The following SEC22C variants were observed in gnomAD, a reference collection of about 807,000 sequenced individuals.
SEC22C encodes the protein SEC22 homolog C, vesicle trafficking protein.
A neutral mutation model predicts 34.7 loss-of-function variants in SEC22C; 29 were observed. That is an observed-to-expected ratio of 0.84 (90% confidence interval 0.62 to 1.14). The LOEUF (loss-of-function observed/expected upper bound fraction) is 1.14, where lower values mean the gene tolerates loss of function less well. Among genes scored for constraint, SEC22C ranks in the 50% most tolerant of loss-of-function variants. The pLI is 0.00. For synonymous variants in SEC22C, 117 were observed against 132.8 expected, an observed-to-expected ratio of 0.88 and a Z score of 0.82; for missense variants, 337 against 369.0, an observed-to-expected ratio of 0.91 and a Z score of 0.71.
chr3:42,574,466 G>C (rs1340485102), intron 1 of SEC22C, among the ~76,000 whole-genome samples: 1 of 151,686 alleles, frequency 6.6e-6, no homozygotes, highest in Non-Finnish European at 1.5e-5. Context: ...GAAAGGAAAT[G>C]ATAAAAGAAG....
chr3:42,579,312 G>T (rs1292809507), intron 1 of SEC22C, among the ~76,000 whole-genome samples: 1 of 149,564 alleles, frequency 6.7e-6, no homozygotes, highest in Non-Finnish European at 1.5e-5. Context: ...CAAAAAACTA[G>T]GAAAGCAGGC....
chr3:42,551,748 C>A lies in SEC22C; in HGVS notation c.*1500G>T. The A allele has an allele frequency of 1.0e-6, 1 of 968,848 alleles. No homozygotes were observed. The highest frequency in any genetic ancestry group is 1.8e-5 in the African/African-American group (1 of 57,048). 60.0% of individuals were successfully genotyped at this position (968,848 alleles called of 1,614,324 possible). On this transcript the variant is annotated 3_prime_UTR_variant, in exon 7 of 7. Transcript: ENST00000264454. ...GTTCCCAGTATATAAACTTATTTTT[C>A]TTAAAATGATAACAAGGTAGCTCAA... is the stretch of plus-strand genomic sequence containing the variant.
At chr3:42,577,925 G>A (rs895429495) in intron 1 of SEC22C, among the ~76,000 whole-genome samples, 3 of 151,656 alleles carry the variant, frequency 2.0e-5, no homozygotes, top group African/African-American at 7.3e-5. Flanking sequence ...CGCCAAGACT[G>A]CACCATTGCA....
chr3:42,598,915 A>G (rs1011207201), intron 1 of SEC22C, among the ~76,000 whole-genome samples: 2 of 150,854 alleles, frequency 1.3e-5, no homozygotes, highest in African/African-American at 2.5e-5. Context: ...ATGTGTATAT[A>G]TATCTATAGA....
chr3:42,593,536 G>C (rs1379424180), intron 1 of SEC22C, among the ~76,000 whole-genome samples: 1 of 152,106 alleles, frequency 6.6e-6, no homozygotes, highest in East Asian at 1.9e-4. Flanking sequence ...ATATCTAAGG[G>C]GAGGAGGGAG....
At chr3:42,562,656 A>T (rs1200756575) in intron 3 of SEC22C, among the ~76,000 whole-genome samples, 1 of 152,236 alleles carries the variant, frequency 6.6e-6, no homozygotes, top group East Asian at 1.9e-4. Context: ...GTTTAAGAAC[A>T]TCACAGAGTC....
intron 1 of SEC22C, among the ~76,000 whole-genome samples, chr3:42,577,449 G>A (rs945365715): frequency 6.6e-5 from 10 of 152,050 alleles, no homozygotes; most frequent in Non-Finnish European, 1.2e-4. Context: ...ATTTTAAAAT[G>A]GGAAAAACAC....
intron 1 of SEC22C, among the ~76,000 whole-genome samples, chr3:42,598,930 T>TAGATCTAC (rs1705135451): frequency 4.2e-5 from 6 of 143,298 alleles, no homozygotes; most frequent in Non-Finnish European, 9.2e-5. Context: ...TATAGATCTA[T>TAGATCTAC]AGATATCTAG....
Position 42,548,916 on chromosome 3 carries a change from C to G in SEC22C, c.*4332G>C, listed in dbSNP as rs983434468. On this transcript the variant is annotated 3_prime_UTR_variant, in exon 7 of 7. Transcript: ENST00000264454. ...CACAATGGACTCACCCAGTATTACCCTCCACTACCACTTTTGACCCTCATA... is the reference window on the plus strand; with the variant it reads ...CACAATGGACTCACCCAGTATTACCGTCCACTACCACTTTTGACCCTCATA... 1 of 1,300,470 alleles carries G rather than the reference C, an allele frequency of 7.7e-7. No individual in the cohort carries two copies. 80.6% of individuals were successfully genotyped at this position (1,300,470 alleles called of 1,614,324 possible). A position where few individuals can be genotyped will look rare whatever the true frequency, so the allele number is the denominator to read the frequency against.
chr3:42,597,757 T>A (rs1705071358), intron 1 of SEC22C, among the ~76,000 whole-genome samples: 2 of 152,220 alleles, frequency 1.3e-5, no homozygotes, highest in Non-Finnish European at 2.9e-5. Context: ...GTTAGTGTAT[T>A]TTATGTATGG....
chr3:42,579,438 C>CA lies in SEC22C; in HGVS notation c.-28+2407dup, dbSNP rs11326002. 945 of 98,106 alleles carry CA rather than the reference C, an allele frequency of 9.6e-3. 6 individuals carry two copies. Among genetic ancestry groups the CA allele is most frequent in the African/African-American group, 0.022 (642 of 28,780 alleles). 6.1% of individuals were successfully genotyped at this position (98,106 alleles called of 1,614,324 possible). A position where few individuals can be genotyped will look rare whatever the true frequency, so the allele number is the denominator to read the frequency against. On this transcript the variant is annotated intron_variant, in intron 1 of 6. Transcript: ENST00000264454. Reference sequence around the variant, plus strand: ...GCAACACAATGACACCCCATCTCTACAAAAAAAAAAAAAAAAAGCCAGGCA... The same window carrying CA: ...GCAACACAATGACACCCCATCTCTACAAAAAAAAAAAAAAAAAAGCCAGGCA...
intron 1 of SEC22C, among the ~76,000 whole-genome samples, chr3:42,576,425 T>A (rs549233398): frequency 6.6e-6 from 1 of 152,088 alleles, no homozygotes; most frequent in African/African-American, 2.4e-5. Context: ...TTGGACAGAG[T>A]GATACTTCAT....
At chr3:42,585,924 G>A (rs923745196), upstream of SEC22C, among the ~76,000 whole-genome samples, 11 of 151,836 alleles carry the variant, frequency 7.2e-5, no homozygotes, top group African/African-American at 2.4e-4. Context: ...ATGCTCCCCA[G>A]ATCTCCCACT....
Position 42,549,916 on chromosome 3 carries a change from C to T in SEC22C, c.*3332G>A. The T allele has an allele frequency of 1.0e-6, 1 of 985,464 alleles. No individual in the cohort carries two copies. Among genetic ancestry groups the T allele is most frequent in the Non-Finnish European group, 1.2e-6 (1 of 829,936 alleles). 61.0% of individuals were successfully genotyped at this position (985,464 alleles called of 1,614,324 possible). On this transcript the variant is annotated 3_prime_UTR_variant, in exon 7 of 7. Coordinates refer to ENST00000264454, the MANE Select transcript of SEC22C (RefSeq NM_032970.4). The stretch of plus-strand genomic sequence containing the variant: ...AGCAGGAGCTTATGGTCACATGCCT[C>T]CAGCTGCAGGCAGTGGGGCCTCTGG...
intron 1 of SEC22C, among the ~76,000 whole-genome samples, chr3:42,598,358 C>T (rs547726455): frequency 1.3e-5 from 2 of 149,040 alleles, no homozygotes; most frequent in South Asian, 2.1e-4. Flanking sequence ...GACAGAGTCT[C>T]GCACTGTCAC....
chr3:42,572,702 T>G (rs1269479471), intron 1 of SEC22C, among the ~76,000 whole-genome samples: 1 of 152,166 alleles, frequency 6.6e-6, no homozygotes, highest in Non-Finnish European at 1.5e-5. Flanking sequence ...AAGATTTTAG[T>G]AAGATTCAGA....
intron 5 of SEC22C, among the ~76,000 whole-genome samples, chr3:42,556,896 T>C (rs1702563597): frequency 6.6e-6 from 1 of 152,084 alleles, no homozygotes; most frequent in Non-Finnish European, 1.5e-5. Context: ...GCTAATTTTG[T>C]ATTTTTAGTA....
intron 2 of SEC22C, among the ~76,000 whole-genome samples, chr3:42,568,101 G>A (rs1703368772): frequency 6.6e-6 from 1 of 151,388 alleles, no homozygotes; most frequent in Non-Finnish European, 1.5e-5. Flanking sequence ...ATTAAAAAGT[G>A]AAAAATTAAA....
chr3:42,566,500 C>T lies in SEC22C; in HGVS notation c.182+2365G>A, dbSNP rs184467172. On this transcript the variant is annotated intron_variant, in intron 2 of 6. Transcript: ENST00000264454. ...GACCATCCTGGCTAACACGGTGAAA[C>T]GCCGTCTCTACTAAAAATACAAAAA... Among the ~76,000 whole-genome samples, 15 of 151,356 alleles carry T rather than the reference C, an allele frequency of 9.9e-5. No individual in the cohort carries two copies. In the East Asian group the frequency reaches 1.9e-3, roughly 20 times the overall value.
Sources: allele counts gnomAD v4.1 joint callset (sites outside exome capture counted in the v4.1 genomes callset), GRCh38; gene constraint gnomAD v4.1.1; transcripts MANE v1.5; gene names NCBI Gene and HGNC (gene_info 2026-07-23, HGNC 2026-07-21).